ADI1: variants seen among roughly 807,000 people sequenced by gnomAD.
The protein encoded by ADI1 is acireductone dioxygenase 1, also known as acireductone dioxygenase.
ADI1 carries 21 observed loss-of-function variants against 18.7 expected under a neutral mutation model. That is an observed-to-expected ratio of 1.13 (90% CI 0.80 to 1.62). ADI1 has a LOEUF of 1.62. Among genes scored for constraint, ADI1 ranks in the 40% most tolerant of loss-of-function variants. ADI1 has a pLI of 0.00. For synonymous variants in ADI1, 90 were observed against 100.1 expected (o/e 0.90, Z 0.60); for missense variants, 245 against 254.9 (o/e 0.96, Z 0.26).
intron 2 of ADI1, among the ~76,000 whole-genome samples, chr2:3,503,291 A>G (rs1291083036): frequency 7.3e-6 from 1 of 136,420 alleles, no homozygotes; most frequent in Non-Finnish European, 1.5e-5. Context: ...ATTCACACAC[A>G]TGCACACATA....
At position 3,513,940 on chromosome 2, in the gene ADI1, C is replaced by G; in HGVS notation, c.157G>C (p.Glu53Gln). ...TAGTTCCTCTCTCTTCGGATCTTTT[C>G]TAATTCTGGATCATTCTCATATTTG... ...ADKYENDPEL[E>Q]KIRRERNYSW... Residue 53 changes from glutamate to glutamine, a missense_variant, in exon 2 of 4, where the codon GAA becomes CAA. By Grantham distance (29) the Glu-to-Gln change is conservative. Coordinates refer to ENST00000327435, the MANE Select transcript of ADI1 (RefSeq NM_018269.4). 1 of 1,611,892 alleles carries G rather than the reference C, an allele frequency of 6.2e-7. No individual in the cohort carries two copies. The highest frequency in any genetic ancestry group is 8.5e-7 in the Non-Finnish European group (1 of 1,179,552).
chr2:3,513,777 G>T, intron 2 of ADI1, 80 bp downstream of exon 2: 1 of 1,446,288 alleles, frequency 6.9e-7, no homozygotes, highest in Non-Finnish European at 9.2e-7. Flanking sequence ...GACATTAAAA[G>T]AAAAAAGAAA....
chr2:3,500,268 C>A (rs1572230423), intron 3 of ADI1, among the ~76,000 whole-genome samples: 1 of 152,104 alleles, frequency 6.6e-6, no homozygotes, highest in South Asian at 2.1e-4. Context: ...AGTATTTATT[C>A]AAAAATTACC....
chr2:3,511,374 G>A (rs1354288984), intron 2 of ADI1, among the ~76,000 whole-genome samples: 1 of 150,950 alleles, frequency 6.6e-6, no homozygotes, highest in Non-Finnish European at 1.5e-5. Context: ...GTAACTTCTT[G>A]TGAGATCTGG....
Position 3,519,448 on chromosome 2 carries a change from G to A in ADI1, c.40C>T (p.Pro14Ser). 1 of 1,357,050 alleles carries A rather than the reference G, an allele frequency of 7.4e-7. No homozygotes were observed. The highest frequency in any genetic ancestry group is 9.4e-7 in the Non-Finnish European group (1 of 1,059,832). The allele number at this position is 1,357,050 out of a possible 1,614,324, so 84.1% of individuals were successfully genotyped here. Residue 14 changes from proline (P) to serine (S), a missense_variant, in exon 1 of 4, where the codon CCG becomes TCG. Pro to Ser is a moderately conservative substitution (Grantham distance 74, BLOSUM62 -1). Transcript: ENST00000327435. ...AWYMDDAPGD[P>S]RQPHRPDPGR... is the part of the protein sequence containing the mutation. The stretch of plus-strand genomic sequence containing the variant: ...GGGTCGGGGCGGTGGGGTTGCCGCG[G>A]GTCGCCCGGGGCGTCGTCCATATAC...
intron 3 of ADI1, 51 bp downstream of exon 3, chr2:3,500,763 G>A: frequency 6.2e-7 from 1 of 1,610,686 alleles, no homozygotes; most frequent in Non-Finnish European, 8.5e-7. Flanking sequence ...AGATGCCACG[G>A]CCAGGGCCAC....
chr2:3,517,134 AAGGAGGTGCATCTCAAAC>A, intron 1 of ADI1: 1 of 148,358 alleles, frequency 6.7e-6, no homozygotes, highest in East Asian at 1.9e-4. Context: ...AACTTTAAAG[AAGGAGGTGCATCTCAAAC>A]AGACCAGCTT....
intron 3 of ADI1, among the ~76,000 whole-genome samples, chr2:3,499,679 T>C (rs1330692521): frequency 1.3e-5 from 2 of 152,156 alleles, no homozygotes; most frequent in African/African-American, 2.4e-5. Flanking sequence ...AATGACTCAC[T>C]GAAATAAATT....
In ADI1 at chr2:3,498,753, A is replaced by AGGAG. The variant is rs1238367139; in HGVS notation, c.*209_*210insCTCC. 1.5e-6 allele frequency: 1 copy of AGGAG among 688,940 alleles called. No individual in the cohort carries two copies. The highest frequency in any genetic ancestry group is 2.3e-6 in the Non-Finnish European group (1 of 443,674). The allele number at this position is 688,940 out of a possible 1,614,324, so 42.7% of individuals were successfully genotyped here. A position where few individuals can be genotyped will look rare whatever the true frequency, so the allele number is the denominator to read the frequency against. On this transcript the variant is annotated 3_prime_UTR_variant, in exon 4 of 4. Coordinates refer to ENST00000327435, the MANE Select transcript of ADI1 (RefSeq NM_018269.4). ...GCCATGGACCCACCAGTCTTGATTGAGTTACAGAAAATGAAGGTGACTCTT... is the reference window on the plus strand; with the variant it reads ...GCCATGGACCCACCAGTCTTGATTGAGGAGGTTACAGAAAATGAAGGTGACTCTT...
chr2:3,513,743 G>T, intron 2 of ADI1, 114 bp downstream of exon 2: 2 of 1,165,900 alleles, frequency 1.7e-6, no homozygotes, highest in Non-Finnish European at 1.2e-6. Context: ...TTTATTTATA[G>T]CAAAGCAAGA....
At chr2:3,512,402 G>C (rs1468121230) in intron 2 of ADI1, among the ~76,000 whole-genome samples, 1 of 152,226 alleles carries the variant, frequency 6.6e-6, no homozygotes, top group Non-Finnish European at 1.5e-5. Context: ...TCTAAAAGGA[G>C]AGAATGGTTT....
At position 3,499,378 on chromosome 2, in the gene ADI1, T is replaced by C. The variant is rs565906694; in HGVS notation, c.421-296A>G. Among the ~76,000 whole-genome samples the C allele has an allele frequency of 2.0e-5, 3 of 152,304 alleles. No individual in the cohort carries two copies. In the East Asian group the frequency reaches 5.8e-4, roughly 29 times the overall value. ...AGAGACACACAGTCAGGAAAAGCAC[T>C]GGCTCCAACCCCATGTACCCTCCAC... On this transcript the variant is annotated intron_variant, in intron 3 of 3. Transcript: ENST00000327435.
In ADI1 at chr2:3,519,364, G is replaced by C. The variant is rs767341560; in HGVS notation, c.120+4C>G. 3 of 1,427,712 alleles carry C rather than the reference G, an allele frequency of 2.1e-6. No homozygotes were observed. The Admixed American group carries it at 8.9e-5, about 42-fold the overall frequency. 88.4% of individuals were successfully genotyped at this position (1,427,712 alleles called of 1,614,324 possible). A position where few individuals can be genotyped will look rare whatever the true frequency, so the allele number is the denominator to read the frequency against. On this transcript the variant is annotated splice_donor_region_variant and intron_variant, in intron 1 of 3. Coordinates refer to ENST00000327435, the MANE Select transcript of ADI1 (RefSeq NM_018269.4). ...CACGCTCTGCGAGGCTTGGGCTCGCGTACCTTCCAGTAGAGCACCCCGAGC... is the reference window on the plus strand; with the variant it reads ...CACGCTCTGCGAGGCTTGGGCTCGCCTACCTTCCAGTAGAGCACCCCGAGC...
intron 2 of ADI1, among the ~76,000 whole-genome samples, chr2:3,508,952 G>C (rs1395465693): frequency 6.8e-6 from 1 of 146,534 alleles, no homozygotes; most frequent in African/African-American, 2.5e-5. Context: ...GAAAAGGAGA[G>C]GAGAGGGGAG....
chr2:3,514,687 A>G (rs1667361140), intron 1 of ADI1: 5 of 1,301,622 alleles, frequency 3.8e-6, no homozygotes. Flanking sequence ...TTCCTGACGA[A>G]GCACTTCCCT....
chr2:3,499,045 G>A lies in ADI1; in HGVS notation c.458C>T (p.Pro153Leu), dbSNP rs771440115. The A allele has an allele frequency of 1.5e-5, 24 of 1,613,888 alleles. No homozygotes were observed. The East Asian group carries it at 2.2e-4, about 15-fold the overall frequency. Residue 153 changes from proline (P) to leucine (L), a missense_variant, in exon 4 of 4, where the codon CCG becomes CTG. Physicochemically the swap from Pro to Leu is moderately conservative, Grantham distance 98. Transcript: ENST00000327435. ...TKAMRLFVGE[P>L]VWTAYNRPAD... ...GGGCCGGTTGTACGCTGTCCACACC[G>A]GTTCTCCCACAAACAGCCGCATGGC...
At chr2:3,518,617 C>A (rs1667459135) in intron 1 of ADI1, among the ~76,000 whole-genome samples, 2 of 151,788 alleles carry the variant, frequency 1.3e-5, no homozygotes, top group African/African-American at 4.8e-5. Flanking sequence ...GACGCCCCCA[C>A]CCCACCACCG....
In ADI1 at chr2:3,509,803, T is replaced by G. The variant is rs565617113; in HGVS notation, c.240+4054A>C. 2.0e-5 allele frequency among the ~76,000 whole-genome samples: 3 copies of G among 149,772 alleles called. No individual in the cohort carries two copies. The East Asian group carries it at 5.9e-4, about 29-fold the overall frequency. ...TGAGGCCAGGAGTTCAAGACCAACCTGAACAACCTGGTGAGATTCCAACGC... is the reference window on the plus strand; with the variant it reads ...TGAGGCCAGGAGTTCAAGACCAACCGGAACAACCTGGTGAGATTCCAACGC... On this transcript the variant is annotated intron_variant, in intron 2 of 3. Transcript: ENST00000327435.
rs1003346594 is a variant in ADI1 at position 3,498,346 on chromosome 2, A to G, written c.*617T>C. The G allele has an allele frequency of 2.6e-5, 4 of 152,246 alleles. No homozygotes were observed. Among genetic ancestry groups the G allele is most frequent in the African/African-American group, 9.6e-5 (4 of 41,466 alleles). The allele number at this position is 152,246 out of a possible 1,614,324, so 9.4% of individuals were successfully genotyped here. ...TACTAACACAGCTCATATATAAATTACTTATCTATAAGAACAATTATAGAA... is the reference window on the plus strand; with the variant it reads ...TACTAACACAGCTCATATATAAATTGCTTATCTATAAGAACAATTATAGAA... On this transcript the variant is annotated 3_prime_UTR_variant, in exon 4 of 4. Transcript: ENST00000327435.
Sources: gnomAD v4.1 joint callset for allele counts (sites outside exome capture counted in the v4.1 genomes callset) on GRCh38, gnomAD v4.1.1 for gene constraint, MANE v1.5 for transcripts, NCBI Gene and HGNC (gene_info 2026-07-23, HGNC 2026-07-21) for gene names.